The following KCNH1 variants were observed in gnomAD, a reference collection of about 807,000 sequenced individuals.
KCNH1 encodes potassium voltage-gated channel subfamily H member 1.
A neutral mutation model predicts 69.2 loss-of-function variants in KCNH1; 27 were observed. That is an observed-to-expected ratio of 0.39 (90% CI 0.29 to 0.54). KCNH1 has a LOEUF of 0.54. KCNH1 is among the 20% of genes least tolerant of loss of function. KCNH1 has a pLI of 0.68. For synonymous variants in KCNH1, 456 were observed against 487.7 expected, an observed-to-expected ratio of 0.93 and a Z score of 0.86; for missense variants, 798 against 1,261.6, an observed-to-expected ratio of 0.63 and a Z score of 5.57.
intron 3 of KCNH1, among the ~76,000 whole-genome samples, chr1:211,091,544 T>C (rs1332290430): frequency 6.6e-6 from 1 of 152,128 alleles, no homozygotes; most frequent in African/African-American, 2.4e-5. Flanking sequence ...TGACAAGGCA[T>C]TGAAGAAGGA....
intron 10 of KCNH1, among the ~76,000 whole-genome samples, chr1:210,743,409 A>G (rs935652714): frequency 1.3e-5 from 2 of 152,166 alleles, no homozygotes; most frequent in African/African-American, 2.4e-5. Context: ...TTCAGGTAGA[A>G]AGAGGTATTC....
intron 10 of KCNH1, among the ~76,000 whole-genome samples, chr1:210,689,104 C>T (rs891204034): frequency 2.6e-5 from 4 of 152,226 alleles, no homozygotes; most frequent in African/African-American, 9.6e-5. Context: ...CTTGGCATCC[C>T]TCTGAGGTCG....
chr1:210,780,702 G>A (rs1364505224), intron 9 of KCNH1, among the ~76,000 whole-genome samples: 1 of 152,178 alleles, frequency 6.6e-6, no homozygotes, highest in African/African-American at 2.4e-5. Flanking sequence ...CAGGCAGAGG[G>A]ATCAGCATGA....
chr1:210,742,170 A>C (rs2149037549), intron 10 of KCNH1, among the ~76,000 whole-genome samples: 1 of 152,334 alleles, frequency 6.6e-6, no homozygotes, highest in Non-Finnish European at 1.5e-5. Flanking sequence ...AAAGGACAAC[A>C]GGTCAAATCT....
intron 7 of KCNH1, among the ~76,000 whole-genome samples, chr1:210,846,145 C>A (rs978345273): frequency 2.0e-5 from 3 of 152,132 alleles, no homozygotes; most frequent in Admixed American, 6.5e-5. Flanking sequence ...ATGAAAATGG[C>A]CGTACTTCCC....
chr1:210,994,729 G>A (rs991555251), intron 6 of KCNH1, among the ~76,000 whole-genome samples: 1 of 152,092 alleles, frequency 6.6e-6, no homozygotes, highest in African/African-American at 2.4e-5. Context: ...TTCAAAATCT[G>A]GCTTCTACCT....
At chr1:210,705,062 G>A (rs939365081) in intron 10 of KCNH1, among the ~76,000 whole-genome samples, 8 of 152,134 alleles carry the variant, frequency 5.3e-5, no homozygotes, top group South Asian at 2.1e-4. Context: ...GAGGTGGGGC[G>A]GCCCCTGCGC....
At chr1:210,776,806 C>T (rs991922221) in intron 9 of KCNH1, among the ~76,000 whole-genome samples, 1 of 152,228 alleles carries the variant, frequency 6.6e-6, no homozygotes, top group Admixed American at 6.5e-5. Context: ...ATCAAATCGT[C>T]TCTAACCATC....
chr1:210,709,741 A>AG (rs1682018165), intron 10 of KCNH1, among the ~76,000 whole-genome samples: 4 of 78,216 alleles, frequency 5.1e-5, no homozygotes, highest in African/African-American at 1.2e-4. Flanking sequence ...AGAGAGAGAG[A>AG]AAGAGAGAGA....
Position 210,725,692 on chromosome 1 carries a change from A to G in KCNH1, c.2113-41554T>C, listed in dbSNP as rs1278205171. Among the ~76,000 whole-genome samples, 4 of 152,164 alleles carry G rather than the reference A, an allele frequency of 2.6e-5. No individual in the cohort carries two copies. The East Asian group carries it at 7.7e-4, about 29-fold the overall frequency. On this transcript the variant is annotated intron_variant, in intron 10 of 10. Transcript: ENST00000271751. ...TACCTGTCTCATTCAAAGGTTTCAA[A>G]TGGCTCTCAAGGCTCTTCAGAAAAT... is the stretch of plus-strand genomic sequence containing the variant.
At chr1:211,090,036 AT>A (rs1455953667) in intron 4 of KCNH1, among the ~76,000 whole-genome samples, 3 of 152,256 alleles carry the variant, frequency 2.0e-5, no homozygotes, top group Admixed American at 2.0e-4. Context: ...TAAATGACCC[AT>A]ATAGAAATGT....
chr1:210,950,135 A>T (rs1005897124), intron 6 of KCNH1, among the ~76,000 whole-genome samples: 1 of 152,162 alleles, frequency 6.6e-6, no homozygotes, highest in Non-Finnish European at 1.5e-5. Flanking sequence ...GTCTCCCTCC[A>T]GAGTGCCACC....
intron 7 of KCNH1, among the ~76,000 whole-genome samples, chr1:210,832,263 A>T (rs1685177545): frequency 6.6e-6 from 1 of 152,182 alleles, no homozygotes; most frequent in South Asian, 2.1e-4. Flanking sequence ...CTCTTATCTG[A>T]GCCTGCTTAG....
intron 7 of KCNH1, among the ~76,000 whole-genome samples, chr1:210,882,847 A>G (rs1353951918): frequency 6.6e-6 from 1 of 152,226 alleles, no homozygotes; most frequent in Non-Finnish European, 1.5e-5. Flanking sequence ...CACATCAGGC[A>G]AAATCTCTAA....
intron 9 of KCNH1, among the ~76,000 whole-genome samples, chr1:210,779,199 G>T (rs963057371): frequency 6.6e-6 from 1 of 152,150 alleles, no homozygotes; most frequent in African/African-American, 2.4e-5. Context: ...GGGTCTAAGA[G>T]TCTCAGTATT....
Position 210,797,711 on chromosome 1 carries a change from A to C in KCNH1, c.1712T>G (p.Leu571Arg). The C allele has an allele frequency of 1.2e-6, 2 of 1,614,174 alleles. No individual in the cohort carries two copies. Among genetic ancestry groups the C allele is most frequent in the Non-Finnish European group, 1.7e-6 (2 of 1,179,980 alleles). The change falls in exon 9 of 11, where the codon CTG (leucine) becomes CGG (arginine). Residue 571 changes from leucine (L) to arginine (R), a missense_variant. By Grantham distance (102) the Leu-to-Arg change is moderately radical. Around this residue, in one of 4 missense-constraint regions of KCNH1, gnomAD observed 197 missense variants for 407.7 expected, o/e 0.48. Transcript: ENST00000271751. Reference protein sequence around the residue: ...KDMRADICVHLNRKVFKEHPA... With the variant: ...KDMRADICVHRNRKVFKEHPA... ...GTGCTCCTTGAACACCTTGCGGTTC[A>C]GGTGCACGCAGATGTCGGCTCTCAT...
intron 7 of KCNH1, among the ~76,000 whole-genome samples, chr1:210,822,942 G>A (rs890408393): frequency 1.3e-5 from 2 of 152,146 alleles, no homozygotes; most frequent in Non-Finnish European, 2.9e-5. Flanking sequence ...CTCTAGGATC[G>A]GGGTGGGAGG....
rs747498526 is a variant in KCNH1 at position 211,050,260 on chromosome 1, T to TAAAAAAAAAAAAAAAAAAAAAAAAAAA, written c.559-31031_559-31005dup. On this transcript the variant is annotated intron_variant, in intron 5 of 10. Transcript: ENST00000271751. The stretch of plus-strand genomic sequence containing the variant: ...AGGACAAACTCAGCCCACACATTCT[T>TAAAAAAAAAAAAAAAAAAAAAAAAAAA]AAAAAAAAAAAAAAAAAAAAAAAAA... 3.4e-4 allele frequency among the ~76,000 whole-genome samples: 20 copies of TAAAAAAAAAAAAAAAAAAAAAAAAAAA among 58,576 alleles called. 5 individuals are homozygous for TAAAAAAAAAAAAAAAAAAAAAAAAAAA. Among genetic ancestry groups the TAAAAAAAAAAAAAAAAAAAAAAAAAAA allele is most frequent in the Non-Finnish European group, 4.3e-4 (14 of 32,570 alleles). The allele number at this position is 58,576 out of a possible 152,430, so 38.4% of individuals were successfully genotyped here. A position where few individuals can be genotyped will look rare whatever the true frequency, so the allele number is the denominator to read the frequency against.
chr1:210,781,387 T>C (rs1683980902), intron 9 of KCNH1, among the ~76,000 whole-genome samples: 1 of 152,076 alleles, frequency 6.6e-6, no homozygotes, highest in Non-Finnish European at 1.5e-5. Context: ...TTTATTCCTC[T>C]TCCCTAGGGT....
Sources: gnomAD v4.1 joint callset for allele counts (sites outside exome capture counted in the v4.1 genomes callset) on GRCh38, gnomAD v4.1.1 for gene constraint, gnomAD v4.1.1 regional missense constraint, MANE v1.5 for transcripts, NCBI Gene and HGNC (gene_info 2026-07-23, HGNC 2026-07-21) for gene names.